TMEM131L: variants seen among roughly 807,000 people sequenced by gnomAD.
The protein encoded by TMEM131L is transmembrane protein 131-like.
A neutral mutation model predicts 192.2 loss-of-function variants in TMEM131L; 54 were observed. The observed-to-expected ratio is 0.28, with a 90% CI of 0.23 to 0.35. The LOEUF is 0.35. Ranked by LOEUF, TMEM131L falls within the 10% of genes least tolerant of loss-of-function variation. TMEM131L has a pLI of 1.00. For synonymous variants in TMEM131L, 701 were observed against 704.9 expected (o/e 0.99, Z 0.09); for missense variants, 1,888 against 1,972.9 (o/e 0.96, Z 0.82).
chr4:153,557,784 T>A (rs115610057), intron 6 of TMEM131L, among the ~76,000 whole-genome samples: 1 of 152,322 alleles, frequency 6.6e-6, no homozygotes, highest in Non-Finnish European at 1.5e-5. Context: ...AAATACAGCA[T>A]TCTAATCTGT....
intron 9 of TMEM131L, among the ~76,000 whole-genome samples, chr4:153,582,052 A>G (rs1730372204): frequency 6.6e-6 from 1 of 152,230 alleles, no homozygotes; most frequent in South Asian, 2.1e-4. Context: ...ATCAGAAATA[A>G]ATGCATTCAT....
intron 3 of TMEM131L, among the ~76,000 whole-genome samples, chr4:153,478,415 A>G (rs975070242): frequency 2.0e-5 from 3 of 152,250 alleles, no homozygotes; most frequent in Non-Finnish European, 4.4e-5. Context: ...GCTTTAGAGT[A>G]GATTTAAATT....
chr4:153,529,847 G>C (rs908026028), intron 3 of TMEM131L, among the ~76,000 whole-genome samples: 2 of 152,170 alleles, frequency 1.3e-5, no homozygotes, highest in African/African-American at 4.8e-5. Flanking sequence ...TATTAAGTAA[G>C]ATCTGATTGC....
intron 3 of TMEM131L, among the ~76,000 whole-genome samples, chr4:153,520,632 T>G (rs1400566712): frequency 6.6e-6 from 1 of 152,180 alleles, no homozygotes; most frequent in East Asian, 1.9e-4. Flanking sequence ...TGTCAGTAAT[T>G]TGGGGGCAAA....
chr4:153,633,406 T>A (rs947786609), intron 32 of TMEM131L: 28 of 151,256 alleles, frequency 1.9e-4, no homozygotes, highest in African/African-American at 6.3e-4. Flanking sequence ...TTTTTTTTTT[T>A]TTTGTAGAGA....
chr4:153,583,529 G>T (rs750644854), intron 10 of TMEM131L, 35 bp from the exon 11 acceptor site: 2 of 1,351,354 alleles, frequency 1.5e-6, no homozygotes, highest in East Asian at 4.6e-5. Flanking sequence ...TCTCCCAGCT[G>T]AGAGTAGTCA....
rs568468868 is a variant in TMEM131L at position 153,571,046 on chromosome 4, C to T, written c.661-9780C>T. On this transcript the variant is annotated intron_variant, in intron 7 of 34. Transcript: ENST00000409959. ...TTTAATTTTTTTTTAACTTTTTGGT[C>T]TAGATATTTATTTTCCCTTTAGATC... 5.9e-5 allele frequency among the ~76,000 whole-genome samples: 9 copies of T among 151,854 alleles called. No homozygotes were observed. The South Asian group carries it at 1.9e-3, about 32-fold the overall frequency.
chr4:153,478,325 T>C (rs1731694461), intron 3 of TMEM131L, among the ~76,000 whole-genome samples: 1 of 152,254 alleles, frequency 6.6e-6, no homozygotes, highest in African/African-American at 2.4e-5. Context: ...TACTTACTAT[T>C]CATTTACCTT....
intron 16 of TMEM131L, among the ~76,000 whole-genome samples, chr4:153,590,774 G>A (rs765160124): frequency 1.1e-4 from 16 of 151,614 alleles, no homozygotes; most frequent in Admixed American, 1.1e-3. Context: ...ATGATAAATT[G>A]TTCCAAATTT....
chr4:153,622,223 C>T (rs968542900), intron 28 of TMEM131L, among the ~76,000 whole-genome samples: 1 of 152,190 alleles, frequency 6.6e-6, no homozygotes, highest in Non-Finnish European at 1.5e-5. Flanking sequence ...GCTGCTGCCC[C>T]ACCCAAGGCC....
chr4:153,631,511 A>C (rs1371770032), intron 31 of TMEM131L, among the ~76,000 whole-genome samples: 1 of 152,158 alleles, frequency 6.6e-6, no homozygotes, highest in African/African-American at 2.4e-5. Flanking sequence ...CAGGAGAAGA[A>C]CCCTGAGCTT....
intron 18 of TMEM131L, among the ~76,000 whole-genome samples, chr4:153,592,901 AT>A (rs1225431339): frequency 6.6e-6 from 1 of 152,134 alleles, no homozygotes; most frequent in Non-Finnish European, 1.5e-5. Flanking sequence ...AATCATGGTG[AT>A]TTCTAGGCAG....
At chr4:153,618,031 A>G (rs559759395) in intron 26 of TMEM131L, among the ~76,000 whole-genome samples, 1 of 152,312 alleles carries the variant, frequency 6.6e-6, no homozygotes, top group African/African-American at 2.4e-5. Flanking sequence ...CTAAGAAACT[A>G]AGCAAACTTA....
rs1339367557 is a variant in TMEM131L, at chr4:153,555,904, C to T, written c.426C>T (p.Pro142=). 6 of 1,551,118 alleles carry T rather than the reference C, an allele frequency of 3.9e-6. No homozygotes were observed. The highest frequency in any genetic ancestry group is 5.2e-6 in the Non-Finnish European group (6 of 1,146,756). ...AAGHFHVPPV[P]CRVIPAMGKT... is the part of the protein sequence containing the mutation. ...GACATTTCCATGTACCGCCAGTTCC[C>T]TGCAGGGTGGGTGTTGATGGACTCC... Residue 142 remains proline (P), a synonymous_variant, in exon 5 of 35, where the codon CCC becomes CCT. Transcript: ENST00000409959. The surrounding 1 kb of genome is among the most constrained non-coding windows in gnomAD (Gnocchi z 4.1).
intron 32 of TMEM131L, 24 bp downstream of exon 32, chr4:153,632,862 G>C: frequency 6.2e-7 from 1 of 1,613,818 alleles, no homozygotes. Context: ...TCTCTGATTG[G>C]TGCCTTGCTT....
chr4:153,611,051 AT>A (rs1732575847), intron 25 of TMEM131L, among the ~76,000 whole-genome samples: 1 of 152,246 alleles, frequency 6.6e-6, no homozygotes, highest in Non-Finnish European at 1.5e-5. Context: ...AAGTATACTT[AT>A]GAAATCACTT....
intron 4 of TMEM131L, among the ~76,000 whole-genome samples, chr4:153,552,365 T>C (rs1003667694): frequency 2.6e-5 from 4 of 152,194 alleles, no homozygotes; most frequent in Non-Finnish European, 2.9e-5. Flanking sequence ...GTCTAAAATA[T>C]TTACTCTTCA....
At chr4:153,553,952 G>A (rs531362003) in intron 4 of TMEM131L, among the ~76,000 whole-genome samples, 5 of 152,300 alleles carry the variant, frequency 3.3e-5, no homozygotes, top group Admixed American at 6.5e-5. Context: ...GCTTCAGCTG[G>A]CATTCTCTGT....
intron 3 of TMEM131L, among the ~76,000 whole-genome samples, chr4:153,525,920 G>C (rs961583213): frequency 6.6e-6 from 1 of 151,004 alleles, no homozygotes; most frequent in East Asian, 2.0e-4. Context: ...GAGTTGGCAC[G>C]ATCTCGGCTC....
Sources: allele counts gnomAD v4.1 joint callset (sites outside exome capture counted in the v4.1 genomes callset), GRCh38; gene constraint gnomAD v4.1.1; non-coding constraint Gnocchi (gnomAD v3.1); transcripts MANE v1.5; gene names NCBI Gene and HGNC (gene_info 2026-07-23, HGNC 2026-07-21).